NAV3: variants seen among roughly 807,000 people sequenced by gnomAD.
NAV3 encodes the protein neuron navigator 3.
A neutral mutation model predicts 244.7 loss-of-function variants in NAV3; 87 were observed. The observed-to-expected ratio is 0.36, with a 90% CI of 0.30 to 0.42. The LOEUF (loss-of-function observed/expected upper bound fraction) is 0.42. Ranked by LOEUF, NAV3 falls within the 20% of genes least tolerant of loss-of-function variation. The probability of loss-of-function intolerance (pLI) is 1.00; values close to 1 mark genes in which losing one functional copy is unlikely to be tolerated. For missense variants in NAV3, 2,663 were observed against 2,893.3 expected, an observed-to-expected ratio of 0.92 and a Z score of 1.83; for synonymous variants, 1,126 against 1,042.2, an observed-to-expected ratio of 1.08 and a Z score of -1.55.
intron 1 of NAV3, among the ~76,000 whole-genome samples, chr12:77,884,452 T>C (rs141075005): frequency 5.3e-4 from 80 of 152,214 alleles, no homozygotes; most frequent in Admixed American, 9.8e-4. Flanking sequence ...GCTGATGGTG[T>C]AGCTTCAGTC....
At position 77,695,888 on chromosome 12, in the gene NAV3, C is replaced by G. The variant is rs562569964; in HGVS notation, c.72+123622C>G. On this transcript the variant is annotated intron_variant, in intron 2 of 8. Coordinates refer to the NAV3 transcript ENST00000550042. ...ATTTTGTGATCAGATGTCACCATGG[C>G]CCATATTTTCTACCCCAGAGAAGAT... Among the ~76,000 whole-genome samples the G allele has an allele frequency of 1.2e-4, 19 of 152,122 alleles. No individual in the cohort carries two copies. In the East Asian group the frequency reaches 3.7e-3, roughly 29 times the overall value.
intron 2 of NAV3, among the ~76,000 whole-genome samples, chr12:77,767,056 AT>A (rs1344940710): frequency 6.6e-6 from 1 of 152,006 alleles, no homozygotes; most frequent in African/African-American, 2.4e-5. Context: ...CCAGCCAAGA[AT>A]TTTTTTACAA....
intron 12 of NAV3, among the ~76,000 whole-genome samples, chr12:78,072,008 C>T (rs1048585884): frequency 6.6e-6 from 1 of 152,094 alleles, no homozygotes; most frequent in Non-Finnish European, 1.5e-5. Context: ...ACACAACATA[C>T]CAGAATCTCT....
chr12:77,726,350 C>A (rs1443990675), intron 2 of NAV3, among the ~76,000 whole-genome samples: 1 of 151,884 alleles, frequency 6.6e-6, no homozygotes, highest in Non-Finnish European at 1.5e-5. Flanking sequence ...CTAACATTGG[C>A]CACTTAACTT....
At chr12:77,612,916 TG>T (rs1565736867) in intron 2 of NAV3, among the ~76,000 whole-genome samples, 1 of 152,094 alleles carries the variant, frequency 6.6e-6, no homozygotes, top group Non-Finnish European at 1.5e-5. Context: ...TGAGATCTGA[TG>T]GTTTTATAAG....
intron 2 of NAV3, among the ~76,000 whole-genome samples, chr12:77,724,070 T>A (rs1173646115): frequency 6.6e-6 from 1 of 151,948 alleles, no homozygotes; most frequent in Non-Finnish European, 1.5e-5. Flanking sequence ...TAGTTTACTG[T>A]GTAAATAAAT....
At chr12:77,593,262 G>T in intron 2 of NAV3, among the ~76,000 whole-genome samples, 1 of 95,704 alleles carries the variant, frequency 1.0e-5, no homozygotes, top group East Asian at 3.6e-4. Context: ...ATATATGTAT[G>T]AGTGTGTGTA....
At chr12:77,890,105 T>C (rs1470945445) in intron 1 of NAV3, among the ~76,000 whole-genome samples, 1 of 152,198 alleles carries the variant, frequency 6.6e-6, no homozygotes, top group African/African-American at 2.4e-5. Flanking sequence ...CTTTATTTTA[T>C]AAATTATTCT....
At position 78,175,396 on chromosome 12, in the gene NAV3, C is replaced by A. The variant is rs184151477; in HGVS notation, c.5072C>A (p.Ala1691Asp). Residue 1691 changes from alanine (A) to aspartate (D), a missense_variant, in exon 25 of 40, where the codon GCC becomes GAC. Ala to Asp is a moderately radical substitution (Grantham distance 126, BLOSUM62 -2). Coordinates refer to ENST00000397909, the MANE Select transcript of NAV3 (RefSeq NM_001024383.2). ...TCCAGTATTGGCAGTGGTAATGATGCCGACTCCAAGAAGAAGAAAAAGAAA... is the reference window on the plus strand; with the variant it reads ...TCCAGTATTGGCAGTGGTAATGATGACGACTCCAAGAAGAAGAAAAAGAAA... ...SHSSIGSGND[A>D]DSKKKKKKNW... 10 of 1,611,148 alleles carry A rather than the reference C, an allele frequency of 6.2e-6. No homozygotes were observed. In the Admixed American group the frequency reaches 1.7e-4, roughly 27 times the overall value.
chr12:77,817,445 G>GT (rs964995708), intron 2 of NAV3, among the ~76,000 whole-genome samples: 247 of 151,644 alleles, frequency 1.6e-3, no homozygotes, highest in African/African-American at 5.6e-3. Context: ...AATATAAGAA[G>GT]TTTTTTTTTA....
At chr12:77,618,627 T>C (rs1343955650) in intron 2 of NAV3, among the ~76,000 whole-genome samples, 6 of 152,234 alleles carry the variant, frequency 3.9e-5, no homozygotes, top group Non-Finnish European at 8.8e-5. Context: ...CACGTATATA[T>C]ATAATTTCTC....
intron 2 of NAV3, among the ~76,000 whole-genome samples, chr12:77,725,479 T>A (rs1390837532): frequency 2.1e-5 from 2 of 95,376 alleles, no homozygotes; most frequent in Non-Finnish European, 5.6e-5. Flanking sequence ...TTAGATAGTT[T>A]CCCCAGATTT....
At chr12:77,830,227 T>G (rs1323363438), upstream of NAV3, among the ~76,000 whole-genome samples, 1 of 152,216 alleles carries the variant, frequency 6.6e-6, no homozygotes, top group Admixed American at 6.5e-5. Context: ...TTTTAGAAGC[T>G]TGGGATTTTA....
At chr12:77,797,245 C>CA (rs1871451855) in intron 2 of NAV3, among the ~76,000 whole-genome samples, 2 of 152,070 alleles carry the variant, frequency 1.3e-5, no homozygotes, top group South Asian at 4.1e-4. Context: ...TAAACTGAAG[C>CA]AAAGAGCTCA....
At chr12:77,866,587 C>T (rs2136394993) in intron 1 of NAV3, among the ~76,000 whole-genome samples, 1 of 152,312 alleles carries the variant, frequency 6.6e-6, no homozygotes, top group African/African-American at 2.4e-5. Flanking sequence ...TAATTACAAT[C>T]ACACATGAAT....
chr12:78,074,102 G>T (rs942736058), intron 12 of NAV3, among the ~76,000 whole-genome samples: 39 of 152,178 alleles, frequency 2.6e-4, no homozygotes, highest in Non-Finnish European at 1.0e-4. Flanking sequence ...AAGAAGAATT[G>T]TAACTGATTT....
At chr12:78,088,367 A>C (rs1185474470) in intron 12 of NAV3, among the ~76,000 whole-genome samples, 1 of 152,112 alleles carries the variant, frequency 6.6e-6, no homozygotes, top group East Asian at 1.9e-4. Flanking sequence ...AGACACTATT[A>C]TTATAGAATG....
Position 78,168,876 on chromosome 12 carries a change from G to T in NAV3, c.4981+10G>T. On this transcript the variant is annotated intron_variant, in intron 24 of 39. Transcript: ENST00000397909. ...GACCATCCTCCCAAAGGTATATTTA[G>T]AAATCATTTCATTTCCACCCAATAT... 2 of 1,558,748 alleles carry T rather than the reference G, an allele frequency of 1.3e-6. No individual in the cohort carries two copies. The highest frequency in any genetic ancestry group is 2.3e-5 in the East Asian group (1 of 44,298).
chr12:77,921,351 A>G (rs889773210), intron 1 of NAV3, among the ~76,000 whole-genome samples: 2 of 152,140 alleles, frequency 1.3e-5, no homozygotes, highest in Non-Finnish European at 2.9e-5. Flanking sequence ...GCAGTTCAAA[A>G]TTCTATTTTC....
Sources: allele counts gnomAD v4.1 joint callset (sites outside exome capture counted in the v4.1 genomes callset), GRCh38; gene constraint gnomAD v4.1.1; transcripts MANE v1.5; gene names NCBI Gene and HGNC (gene_info 2026-07-23, HGNC 2026-07-21).